The following CDC42BPG variants were observed in gnomAD, a reference collection of about 807,000 sequenced individuals.
CDC42BPG encodes CDC42 binding protein kinase gamma.
In CDC42BPG, 157 loss-of-function variants were observed where a neutral mutation model predicts 192.2. The ratio of observed to expected loss-of-function variants is 0.82; its 90% CI spans 0.72 to 0.93. CDC42BPG has a LOEUF of 0.93. Ranked by LOEUF, CDC42BPG falls within the 40% of genes least tolerant of loss-of-function variation. CDC42BPG has a pLI of 0.00. For synonymous variants in CDC42BPG, 981 were observed against 918.5 expected (o/e 1.07, Z -1.23); for missense variants, 1,992 against 2,122.1 (o/e 0.94, Z 1.20).
intron 18 of CDC42BPG, 87 bp downstream of exon 18, chr11:64,834,762 T>C: frequency 3.6e-6 from 5 of 1,396,638 alleles, no homozygotes; most frequent in Non-Finnish European, 4.9e-6. Context: ...CCACCTCCAG[T>C]AGTGACCTTC....
chr11:64,843,884 G>C (rs181514465), intron 1 of CDC42BPG, among the ~76,000 whole-genome samples: 11 of 152,294 alleles, frequency 7.2e-5, no homozygotes, highest in Non-Finnish European at 1.3e-4. Context: ...GTGTGTTGGT[G>C]GGGGGAAGGT....
chr11:64,836,915 C>T lies in CDC42BPG; in HGVS notation c.1303+7G>A. ...ACACCCAGGCCCGGCCCAGCCGCTC[C>T]CAGTACCTTGGTGCTTCCTGCTCAG... On this transcript the variant is annotated splice_region_variant and intron_variant, in intron 10 of 36. Transcript: ENST00000342711. 1 of 1,613,374 alleles carries T rather than the reference C, an allele frequency of 6.2e-7. No homozygotes were observed.
At position 64,833,340 on chromosome 11, in the gene CDC42BPG, G is replaced by C; in HGVS notation, c.2626-4C>G. On this transcript the variant is annotated splice_polypyrimidine_tract_variant and splice_region_variant and intron_variant, in intron 23 of 36. Coordinates refer to ENST00000342711, the MANE Select transcript of CDC42BPG (RefSeq NM_017525.3). ...GGCGCAGCGTGTGTGAGCCGGGCTG[G>C]GGAGGGGGACAGCCATTACCCAAGG... The C allele has an allele frequency of 6.9e-7, 1 of 1,446,096 alleles. No individual in the cohort carries two copies. Among genetic ancestry groups the C allele is most frequent in the Non-Finnish European group, 9.4e-7 (1 of 1,068,092 alleles). 89.6% of individuals were successfully genotyped at this position (1,446,096 alleles called of 1,614,324 possible).
At chr11:64,832,980 G>A in intron 24 of CDC42BPG, 21 bp from the exon 25 acceptor site, 5 of 1,512,142 alleles carry the variant, frequency 3.3e-6, no homozygotes, top group Non-Finnish European at 4.4e-6. Context: ...AGTGGAGAAG[G>A]TGGATGAGGT....
rs1172924677 is a variant in CDC42BPG at position 64,840,151 on chromosome 11, G to T, written c.550C>A (p.His184Asn). The T allele has an allele frequency of 1.2e-6, 2 of 1,612,930 alleles. No individual in the cohort carries two copies. The highest frequency in any genetic ancestry group is 4.5e-5 in the East Asian group (2 of 44,874). ...ACATAACCCAGCTGGTGCAGCGAGT[G>T]GATGGCCAGCACCATCTCAGCCAGG... Reference protein sequence around the residue: ...FYLAEMVLAIHSLHQLGYVHR... With the variant: ...FYLAEMVLAINSLHQLGYVHR... Residue 184 changes from histidine (H) to asparagine (N), a missense_variant, in exon 5 of 37, where the codon CAC becomes AAC. By Grantham distance (68) the His-to-Asn change is moderately conservative. Transcript: ENST00000342711.
In CDC42BPG at chr11:64,836,710, G is replaced by GCC. The variant is rs71049666; in HGVS notation, c.1384+28_1384+29insGG. 132 of 704,872 alleles carry GCC rather than the reference G, an allele frequency of 1.9e-4. 13 individuals carry two copies. In the African/African-American group the frequency reaches 2.6e-3, roughly 14 times the overall value. 43.7% of individuals were successfully genotyped at this position (704,872 alleles called of 1,614,324 possible). On this transcript the variant is annotated intron_variant, in intron 11 of 36. Coordinates refer to ENST00000342711, the MANE Select transcript of CDC42BPG (RefSeq NM_017525.3). ...AGCCCAGGTGGGACTCAGCCCTGGG[G>GCC]GGGGGGGGGGGGTGGGCGGAAGGGA...
chr11:64,826,066 G>A (rs1385731225), intron 36 of CDC42BPG, among the ~76,000 whole-genome samples: 1 of 8,964 alleles, frequency 1.1e-4, no homozygotes, highest in Non-Finnish European at 4.2e-4. Flanking sequence ...GACTCCATCT[G>A]GAAAAAAAAA....
chr11:64,827,263 GTCGTGCA>G lies in CDC42BPG; in HGVS notation c.4271+8_4271+14del. Reference sequence around the variant, plus strand: ...GGCCCCACCCAGCCTCAGCCCCCGCGTCGTGCACGCGCACCTGCGCTGCTGCTTCTGC... The same window carrying G: ...GGCCCCACCCAGCCTCAGCCCCCGCGCGCGCACCTGCGCTGCTGCTTCTGC... On this transcript the variant is annotated splice_region_variant and intron_variant, in intron 33 of 36. Transcript: ENST00000342711. The G allele has an allele frequency of 6.2e-7, 1 of 1,613,396 alleles. No individual in the cohort carries two copies. Among genetic ancestry groups the G allele is most frequent in the Non-Finnish European group, 8.5e-7 (1 of 1,179,722 alleles).
chr11:64,833,394 A>AG, intron 23 of CDC42BPG, 58 bp from the exon 24 acceptor site: 1 of 1,057,332 alleles, frequency 9.5e-7, no homozygotes, highest in South Asian at 1.6e-5. Flanking sequence ...CCCATCCCTG[A>AG]GGGGTCAGGA....
Position 64,827,768 on chromosome 11 carries a change from T to TAG in CDC42BPG, c.3981_3982dup (p.Tyr1328SerfsTer3). 1 of 1,611,024 alleles carries TAG rather than the reference T, an allele frequency of 6.2e-7. No homozygotes were observed. The highest frequency in any genetic ancestry group is 8.5e-7 in the Non-Finnish European group (1 of 1,178,366). On this transcript the variant is annotated frameshift_variant, in exon 31 of 37. Coordinates refer to ENST00000342711, the MANE Select transcript of CDC42BPG (RefSeq NM_017525.3). LOFTEE classifies it high-confidence loss of function. ...GGAGTTCTCGCTGAACACTGTCAGG[T>TAG]AGGGGGCCGCATACCCTGCGGGCAC...
In CDC42BPG at chr11:64,836,277, G is replaced by C. The variant is rs777395347; in HGVS notation, c.1508C>G (p.Ala503Gly). ...RLHRELAEGR[A>G]GLQAQEQELC... ...CTCCTGCTCCTGAGCCTGCAGCCCT[G>C]CCCGACCCTCGGCCAGCTCCTGAGG... Residue 503 changes from alanine (A) to glycine (G), a missense_variant, in exon 13 of 37, where the codon GCA (alanine) becomes GGA (glycine). Physicochemically the swap from Ala to Gly is moderately conservative, Grantham distance 60. Coordinates refer to ENST00000342711, the MANE Select transcript of CDC42BPG (RefSeq NM_017525.3). 1.2e-6 allele frequency: 2 copies of C among 1,604,222 alleles called. No individual in the cohort carries two copies. The highest frequency in any genetic ancestry group is 1.7e-4 in the Middle Eastern group (1 of 6,038).
chr11:64,833,663 C>A lies in CDC42BPG; in HGVS notation c.2566-4G>T. On this transcript the variant is annotated splice_polypyrimidine_tract_variant and splice_region_variant and intron_variant, in intron 22 of 36. Transcript: ENST00000342711. The stretch of plus-strand genomic sequence containing the variant: ...TGGGTGCTCTGGGGAACACAGCCTG[C>A]AGGAGGGCGGGGGAGCAGGTGAGAC... The A allele has an allele frequency of 6.2e-7, 1 of 1,612,294 alleles. No homozygotes were observed. The highest frequency in any genetic ancestry group is 2.2e-5 in the East Asian group (1 of 44,848).
At chr11:64,842,042 G>A in intron 1 of CDC42BPG, 138 bp from the exon 2 acceptor site, 2 of 675,406 alleles carry the variant, frequency 3.0e-6, no homozygotes. Flanking sequence ...CGGGCCAAGG[G>A]GTTGTGGCAG....
chr11:64,839,236 G>A lies in CDC42BPG; in HGVS notation c.676-3C>T. The A allele has an allele frequency of 6.2e-7, 1 of 1,612,980 alleles. No homozygotes were observed. The highest frequency in any genetic ancestry group is 8.5e-7 in the Non-Finnish European group (1 of 1,179,954). The stretch of plus-strand genomic sequence containing the variant: ...CCTACTGCCACTGATGAATCCACCT[G>A]TGGGTGGTGGTGGTGAAGCCATGAG... On this transcript the variant is annotated splice_region_variant and splice_polypyrimidine_tract_variant and intron_variant, in intron 6 of 36. Transcript: ENST00000342711.
At chr11:64,841,451 C>CAAA (rs376345283) in intron 3 of CDC42BPG, among the ~76,000 whole-genome samples, 199 bp downstream of exon 3, 2 of 94,382 alleles carry the variant, frequency 2.1e-5, no homozygotes, top group Non-Finnish European at 4.6e-5. Context: ...GATTCCGTCT[C>CAAA]AAAAAAAAAA....
chr11:64,830,194 C>A lies in CDC42BPG; in HGVS notation c.3367G>T (p.Asp1123Tyr). ...ACCCTAGCCCAGCTTTGATAGGTAC[C>A]GTTGCTGCGCAGATGGATGACAAAG... ...GLFVIHLRSN[D>Y]IFQVGECRRV... Residue 1123 changes from aspartate (D) to tyrosine (Y), a missense_variant and splice_region_variant, in exon 29 of 37, where the codon GAC becomes TAC. Transcript: ENST00000342711. 1 of 1,613,652 alleles carries A rather than the reference C, an allele frequency of 6.2e-7. No homozygotes were observed. The highest frequency in any genetic ancestry group is 8.5e-7 in the Non-Finnish European group (1 of 1,179,828).
chr11:64,838,996 C>T (rs759561408), intron 7 of CDC42BPG, 37 bp downstream of exon 7: 4 of 1,612,122 alleles, frequency 2.5e-6, no homozygotes, highest in African/African-American at 1.3e-5. Flanking sequence ...AGGGGTCCCA[C>T]TGCCCCCTCT....
At chr11:64,827,863 A>C in intron 30 of CDC42BPG, 80 bp from the exon 31 acceptor site, 1 of 1,229,306 alleles carries the variant, frequency 8.1e-7, no homozygotes, top group Non-Finnish European at 1.1e-6. Flanking sequence ...ACAGCACAGT[A>C]ACTACCATGC....
Position 64,827,128 on chromosome 11 carries a change from G to A in CDC42BPG, c.4311C>T (p.Ile1437=), listed in dbSNP as rs767344199. ...GGTGGTTGAAGTTGGTAGGCGGCGAGATGAGCTTGGAGCGCACAAAAGGGT... is the reference window on the plus strand; with the variant it reads ...GGTGGTTGAAGTTGGTAGGCGGCGAAATGAGCTTGGAGCGCACAAAAGGGT... ...LKDPFVRSKL[I]SPPTNFNHLV... Residue 1437 remains isoleucine (I), a synonymous_variant, in exon 34 of 37, where the codon ATC becomes ATT. Coordinates refer to ENST00000342711, the MANE Select transcript of CDC42BPG (RefSeq NM_017525.3). 1 of 1,614,182 alleles carries A rather than the reference G, an allele frequency of 6.2e-7. No homozygotes were observed. Among genetic ancestry groups the A allele is most frequent in the South Asian group, 1.1e-5 (1 of 91,088 alleles).
Sources: allele counts gnomAD v4.1 joint callset (sites outside exome capture counted in the v4.1 genomes callset), GRCh38; gene constraint gnomAD v4.1.1; transcripts MANE v1.5; gene names NCBI Gene and HGNC (gene_info 2026-07-23, HGNC 2026-07-21).